Variants in GNA14 observed in about 807,000 individuals in gnomAD.
GNA14 encodes G protein subunit alpha 14.
A neutral mutation model predicts 42.0 loss-of-function variants in GNA14; 50 were observed. The ratio of observed to expected loss-of-function variants is 1.19; its 90% CI spans 0.95 to 1.51. The LOEUF is 1.51. Among genes scored for constraint, GNA14 ranks in the 40% most tolerant of loss-of-function variants. The pLI is 0.00. For synonymous variants in GNA14, 173 were observed against 163.1 expected, an observed-to-expected ratio of 1.06 and a Z score of -0.46; for missense variants, 473 against 446.2, an observed-to-expected ratio of 1.06 and a Z score of -0.54.
intron 2 of GNA14, among the ~76,000 whole-genome samples, chr9:77,497,725 G>GTATATA (rs1564032097): frequency 0.016 from 2,375 of 151,998 alleles, 61 homozygotes; most frequent in African/African-American, 0.054. Context: ...ATATACATAT[G>GTATATA]CATATACATA....
chr9:77,477,814 G>A lies in GNA14; in HGVS notation c.310-43292C>T, dbSNP rs141862594. 5.5e-4 allele frequency among the ~76,000 whole-genome samples: 83 copies of A among 152,180 alleles called. 1 individual carries two copies. The East Asian group carries it at 0.016, about 29-fold the overall frequency. On this transcript the variant is annotated intron_variant, in intron 2 of 6. Transcript: ENST00000341700. ...ACAAGAACAGAGTCCCATAAAAAAGGAAGAATTGGAGAACAAAGAGAACAT... is the reference window on the plus strand; with the variant it reads ...ACAAGAACAGAGTCCCATAAAAAAGAAAGAATTGGAGAACAAAGAGAACAT...
chr9:77,488,784 TAAAAA>T (rs67416479), intron 2 of GNA14, among the ~76,000 whole-genome samples: 1 of 53,688 alleles, frequency 1.9e-5, no homozygotes, highest in East Asian at 6.2e-4. Context: ...CACACCTAAT[TAAAAA>T]AAAAAAAAAA....
chr9:77,527,345 T>C (rs550632168), intron 2 of GNA14, among the ~76,000 whole-genome samples: 2 of 152,334 alleles, frequency 1.3e-5, no homozygotes, highest in Admixed American at 1.3e-4. Context: ...TGGCTCAGTG[T>C]GTGCCTCTCA....
At chr9:77,516,786 A>C (rs902152027) in intron 2 of GNA14, among the ~76,000 whole-genome samples, 1 of 152,258 alleles carries the variant, frequency 6.6e-6, no homozygotes, top group Non-Finnish European at 1.5e-5. Context: ...CATGGGGGTT[A>C]GGAAGGACAT....
At chr9:77,537,799 GT>G (rs1247453097) in intron 1 of GNA14, among the ~76,000 whole-genome samples, 1 of 152,060 alleles carries the variant, frequency 6.6e-6, no homozygotes, top group Non-Finnish European at 1.5e-5. Context: ...TCTCACTATG[GT>G]TTTGATTTGC....
At chr9:77,489,976 C>A (rs1443629162) in intron 2 of GNA14, among the ~76,000 whole-genome samples, 3 of 152,160 alleles carry the variant, frequency 2.0e-5, no homozygotes, top group African/African-American at 7.2e-5. Context: ...ATTGGTAGAG[C>A]CGAGCAGCCT....
At chr9:77,547,504 GC>G (rs1837734470) in intron 1 of GNA14, among the ~76,000 whole-genome samples, 1 of 152,228 alleles carries the variant, frequency 6.6e-6, no homozygotes, top group Non-Finnish European at 1.5e-5. Flanking sequence ...GCGTAAGGAA[GC>G]AAAAGAGAAC....
At chr9:77,437,276 GGCTCAC>G (rs1175790616) in intron 2 of GNA14, among the ~76,000 whole-genome samples, 2 of 152,210 alleles carry the variant, frequency 1.3e-5, no homozygotes, top group Admixed American at 1.3e-4. Context: ...CAAGTGCAGT[GGCTCAC>G]GCCTGTAATC....
chr9:77,621,560 A>G (rs937329186), intron 1 of GNA14, among the ~76,000 whole-genome samples: 1 of 151,718 alleles, frequency 6.6e-6, no homozygotes, highest in Non-Finnish European at 1.5e-5. Flanking sequence ...ACAAACCAAA[A>G]CCTCTTTCTC....
chr9:77,568,977 A>T (rs556316091), intron 1 of GNA14, among the ~76,000 whole-genome samples: 1 of 152,302 alleles, frequency 6.6e-6, no homozygotes, highest in African/African-American at 2.4e-5. Flanking sequence ...CGATATTTTC[A>T]GGTGGATCTC....
rs35743834 is a variant in GNA14, at chr9:77,464,351, A to ATGTGTG, written c.310-29835_310-29830dup. ...TATATATGTGTGTGTGTGTGTGTATATGTGTGTGTGTGTGTGTGTGTGTGT... is the reference window on the plus strand; with the variant it reads ...TATATATGTGTGTGTGTGTGTGTATATGTGTGTGTGTGTGTGTGTGTGTGTGTGTGT... On this transcript the variant is annotated intron_variant, in intron 2 of 6. Transcript: ENST00000341700. 2.7e-3 allele frequency among the ~76,000 whole-genome samples: 385 copies of ATGTGTG among 144,796 alleles called. 1 individual carries two copies. The highest frequency in any genetic ancestry group is 6.6e-3 in the African/African-American group (257 of 39,212). The allele number at this position is 144,796 out of a possible 152,430, so 95.0% of individuals were successfully genotyped here. A position where few individuals can be genotyped will look rare whatever the true frequency, so the allele number is the denominator to read the frequency against.
intron 1 of GNA14, among the ~76,000 whole-genome samples, chr9:77,603,956 C>CAAAAAAAAAAAAAAAAAAAAAAAAAAAA (rs67044542): frequency 1.2e-5 from 1 of 81,608 alleles, no homozygotes; most frequent in Non-Finnish European, 2.2e-5. Flanking sequence ...AAAAAAAAAA[C>CAAAAAAAAAAAAAAAAAAAAAAAAAAAA]AAAAAAAAAA....
intron 1 of GNA14, among the ~76,000 whole-genome samples, chr9:77,628,761 A>G (rs879205904): frequency 6.6e-6 from 1 of 152,136 alleles, no homozygotes. Context: ...AGACTTAAAC[A>G]TAAGACCTAA....
intron 1 of GNA14, among the ~76,000 whole-genome samples, chr9:77,543,253 G>T (rs1336617642): frequency 6.6e-6 from 1 of 152,218 alleles, no homozygotes; most frequent in Non-Finnish European, 1.5e-5. Flanking sequence ...ACCAGGGAGG[G>T]CAGGGTCATT....
rs920597598 is a variant in GNA14 at position 77,434,582 on chromosome 9, A to G, written c.310-60T>C. The G allele has an allele frequency of 2.8e-6, 4 of 1,446,944 alleles. No homozygotes were observed. In the Admixed American group the frequency reaches 7.0e-5, roughly 25 times the overall value. 89.6% of individuals were successfully genotyped at this position (1,446,944 alleles called of 1,614,324 possible). A position where few individuals can be genotyped will look rare whatever the true frequency, so the allele number is the denominator to read the frequency against. On this transcript the variant is annotated intron_variant, in intron 2 of 6. Transcript: ENST00000341700. ...AGGAAAGGAAGCCAACCCATTGGCA[A>G]TGTCGGTACAAGTCTTGCCCTGGTC...
At chr9:77,503,137 G>A (rs925927443) in intron 2 of GNA14, among the ~76,000 whole-genome samples, 4 of 152,112 alleles carry the variant, frequency 2.6e-5, no homozygotes, top group Non-Finnish European at 5.9e-5. Flanking sequence ...AGGATTTTTA[G>A]TTGTACTTAG....
chr9:77,599,742 A>T (rs886273240), intron 1 of GNA14, among the ~76,000 whole-genome samples: 6 of 152,102 alleles, frequency 3.9e-5, no homozygotes, highest in Admixed American at 3.9e-4. Context: ...GGCCTCCTTC[A>T]ATCTATGGCA....
intron 1 of GNA14, among the ~76,000 whole-genome samples, chr9:77,647,452 A>C (rs1824374959): frequency 6.6e-6 from 1 of 152,160 alleles, no homozygotes; most frequent in South Asian, 2.1e-4. Context: ...GTTTTGGGGC[A>C]GGGGAAGGTG....
intron 2 of GNA14, among the ~76,000 whole-genome samples, chr9:77,467,653 T>C (rs77711422): frequency 3.0e-5 from 1 of 33,250 alleles, no homozygotes; most frequent in African/African-American, 1.4e-4. Context: ...AGCTCTCCTT[T>C]TTTTTTTTTT....
Sources: gnomAD v4.1 joint callset for allele counts (sites outside exome capture counted in the v4.1 genomes callset) on GRCh38, gnomAD v4.1.1 for gene constraint, MANE v1.5 for transcripts, NCBI Gene and HGNC (gene_info 2026-07-23, HGNC 2026-07-21) for gene names.